Variants in IL1RAP observed in about 807,000 individuals in gnomAD.
IL1RAP encodes interleukin 1 receptor accessory protein.
Under a neutral mutation model 60.7 loss-of-function variants are expected in IL1RAP, and 35 were observed. The observed-to-expected ratio is 0.58, with a 90% confidence interval of 0.44 to 0.76. The LOEUF (loss-of-function observed/expected upper bound fraction) is 0.76. Among genes scored for constraint, IL1RAP ranks in the 30% least tolerant of loss-of-function variants. IL1RAP has a pLI of 0.00. For missense variants in IL1RAP, 572 were observed against 693.9 expected, an observed-to-expected ratio of 0.82 and a Z score of 1.97; for synonymous variants, 268 against 250.9, an observed-to-expected ratio of 1.07 and a Z score of -0.64.
At chr3:190,547,299 C>T (rs551917331) in intron 1 of IL1RAP, among the ~76,000 whole-genome samples, 27 of 152,306 alleles carry the variant, frequency 1.8e-4, no homozygotes, top group African/African-American at 5.8e-4. Flanking sequence ...CGCCCCTTCC[C>T]CCCATCCAGT....
intron 3 of IL1RAP, among the ~76,000 whole-genome samples, chr3:190,602,071 G>A (rs1179796936): frequency 6.6e-6 from 1 of 152,156 alleles, no homozygotes; most frequent in East Asian, 1.9e-4. Flanking sequence ...GTTTCAAATT[G>A]CAGAGGATGT....
intron 1 of IL1RAP, among the ~76,000 whole-genome samples, chr3:190,538,046 G>A (rs1012974024): frequency 1.3e-5 from 2 of 151,340 alleles, no homozygotes; most frequent in Non-Finnish European, 2.9e-5. Flanking sequence ...ATTCTTTCTG[G>A]TCCCTAAGTA....
chr3:190,618,725 T>C (rs1731500634), intron 5 of IL1RAP, among the ~76,000 whole-genome samples: 1 of 152,244 alleles, frequency 6.6e-6, no homozygotes, highest in Non-Finnish European at 1.5e-5. Flanking sequence ...GACCTTATCC[T>C]TTGTGATATC....
In IL1RAP at chr3:190,645,821, C is replaced by T. The variant is rs1203148420; in HGVS notation, c.1324C>T (p.Arg442Ter). 3.1e-6 allele frequency: 5 copies of T among 1,613,202 alleles called. No homozygotes were observed. The highest frequency in any genetic ancestry group is 4.2e-6 in the Non-Finnish European group (5 of 1,179,518). Reference protein sequence around the residue: ...EFGYKLCIFDRDSLPGGIVTD... With the variant: ...EFGYKLCIFD ...TGGATACAAGCTGTGCATCTTTGAC[C>T]GAGACAGTCTGCCTGGGGGAAGTAG... Residue 442 changes from arginine to a stop codon, truncating the protein, a stop_gained, in exon 11 of 12, where the codon CGA becomes TGA. Coordinates refer to ENST00000447382, the MANE Select transcript of IL1RAP (RefSeq NM_002182.4). LOFTEE classifies it high-confidence loss of function.
At chr3:190,644,943 T>C (rs1001564535) in intron 10 of IL1RAP, among the ~76,000 whole-genome samples, 2 of 152,180 alleles carry the variant, frequency 1.3e-5, no homozygotes, top group South Asian at 2.1e-4. Flanking sequence ...TGTACTCAGA[T>C]AGAGATCTGT....
intron 1 of IL1RAP, among the ~76,000 whole-genome samples, chr3:190,539,943 T>A (rs1202289656): frequency 1.3e-5 from 2 of 152,018 alleles, no homozygotes; most frequent in African/African-American, 4.8e-5. Flanking sequence ...GCTATTTTTT[T>A]TAAAAAATAT....
chr3:190,542,983 T>A (rs1724072590), intron 1 of IL1RAP, among the ~76,000 whole-genome samples: 1 of 147,028 alleles, frequency 6.8e-6, no homozygotes, highest in South Asian at 2.1e-4. Context: ...GACATGTGAA[T>A]CCAAATTAAA....
At chr3:190,523,251 T>A in intron 1 of IL1RAP, among the ~76,000 whole-genome samples, 1 of 152,188 alleles carries the variant, frequency 6.6e-6, no homozygotes, top group East Asian at 1.9e-4. Context: ...ATAGGGCTGC[T>A]TGCTCTCTGA....
chr3:190,626,859 G>A (rs1732326570), intron 7 of IL1RAP, among the ~76,000 whole-genome samples: 1 of 151,596 alleles, frequency 6.6e-6, no homozygotes. Context: ...TAGTAGAGAC[G>A]GGGTTTCACC....
At chr3:190,572,715 T>G (rs1727036807) in intron 3 of IL1RAP, among the ~76,000 whole-genome samples, 1 of 152,072 alleles carries the variant, frequency 6.6e-6, no homozygotes, top group Admixed American at 6.6e-5. Context: ...TTTGTTTGTT[T>G]ATTTTACATT....
chr3:190,523,269 A>T (rs1722238580), intron 1 of IL1RAP, among the ~76,000 whole-genome samples: 1 of 151,976 alleles, frequency 6.6e-6, no homozygotes, highest in East Asian at 1.9e-4. Context: ...TGAAATCCTG[A>T]TCTCCCTTAC....
chr3:190,619,225 T>C (rs1457334200), intron 5 of IL1RAP, among the ~76,000 whole-genome samples: 1 of 152,188 alleles, frequency 6.6e-6, no homozygotes, highest in Admixed American at 6.5e-5. Context: ...CAAAAAGTAA[T>C]AATTTAGCCA....
rs761135758 is a variant in IL1RAP, at chr3:190,645,791, G to A, written c.1294G>A (p.Glu432Lys). ...LLTLRGVLEN[E>K]FGYKLCIFDR... The stretch of plus-strand genomic sequence containing the variant: ...GACCCTCCGTGGAGTTTTGGAGAAT[G>A]AATTTGGATACAAGCTGTGCATCTT... The change falls in exon 11 of 12, where the codon GAA becomes AAA. Residue 432 changes from glutamate to lysine, a missense_variant. By Grantham distance (56) the Glu-to-Lys change is moderately conservative. Transcript: ENST00000447382. The A allele has an allele frequency of 1.5e-5, 24 of 1,613,764 alleles. No individual in the cohort carries two copies. The South Asian group carries it at 2.6e-4, about 18-fold the overall frequency.
In IL1RAP at chr3:190,644,600, C is replaced by T. The variant is rs114537063; in HGVS notation, c.1201+203C>T. On this transcript the variant is annotated intron_variant, in intron 10 of 11. Coordinates refer to ENST00000447382, the MANE Select transcript of IL1RAP (RefSeq NM_002182.4). The stretch of plus-strand genomic sequence containing the variant: ...TATTTTCTTGGATTAATTAGTGAGT[C>T]GGTCTAAATTAACACCCTCCAAATA... Among the ~76,000 whole-genome samples, 483 of 152,178 alleles carry T rather than the reference C, an allele frequency of 3.2e-3. 2 individuals are homozygous for T. Among genetic ancestry groups the T allele is most frequent in the African/African-American group, 0.011 (445 of 41,508 alleles).
At chr3:190,653,798 C>A (rs886487100), downstream of IL1RAP, among the ~76,000 whole-genome samples, 9 of 152,140 alleles carry the variant, frequency 5.9e-5, no homozygotes, top group African/African-American at 1.9e-4. Flanking sequence ...TAAACTTTAG[C>A]ATTAAAAATA....
intron 5 of IL1RAP, among the ~76,000 whole-genome samples, chr3:190,613,440 C>T (rs969988968): frequency 2.0e-5 from 3 of 152,032 alleles, no homozygotes; most frequent in Non-Finnish European, 2.9e-5. Flanking sequence ...AAATTGGGTG[C>T]ATTCATGTGA....
At chr3:190,631,818 G>C (rs1732811561) in intron 9 of IL1RAP, among the ~76,000 whole-genome samples, 1 of 151,778 alleles carries the variant, frequency 6.6e-6, no homozygotes, top group Non-Finnish European at 1.5e-5. Flanking sequence ...TTTTATTTTT[G>C]AGACACAGTT....
intron 3 of IL1RAP, among the ~76,000 whole-genome samples, chr3:190,584,945 C>T (rs1359059662): frequency 1.3e-5 from 2 of 152,088 alleles, no homozygotes; most frequent in Non-Finnish European, 2.9e-5. Context: ...GCCCTGTTAA[C>T]AAGGAGCTTT....
intron 3 of IL1RAP, among the ~76,000 whole-genome samples, chr3:190,565,720 G>A (rs910017561): frequency 6.6e-6 from 1 of 152,100 alleles, no homozygotes. Flanking sequence ...GCTTGGTTAG[G>A]TGTCGCGTTT....
Sources: gnomAD v4.1 joint callset for allele counts (sites outside exome capture counted in the v4.1 genomes callset) on GRCh38, gnomAD v4.1.1 for gene constraint, MANE v1.5 for transcripts, NCBI Gene and HGNC (gene_info 2026-07-23, HGNC 2026-07-21) for gene names.